Variants in ITIH2 observed in about 807,000 individuals in gnomAD.
ITIH2 encodes the protein inter-alpha-trypsin inhibitor heavy chain 2, also known as inter-alpha-trypsin inhibitor heavy chain H2.
In ITIH2, 103 loss-of-function variants were observed where a neutral mutation model predicts 104.4. The ratio of observed to expected loss-of-function variants is 0.99; its 90% confidence interval spans 0.84 to 1.16. ITIH2 has a LOEUF of 1.16. Among genes scored for constraint, ITIH2 ranks in the 50% most tolerant of loss-of-function variants. The pLI is 0.00. For missense variants in ITIH2, 1,108 were observed against 1,162.4 expected (o/e 0.95, Z 0.68); for synonymous variants, 436 against 435.4 (o/e 1.00, Z -0.02).
chr10:7,723,678 G>A (rs1834927864), intron 9 of ITIH2, 111 bp downstream of exon 9: 1 of 758,414 alleles, frequency 1.3e-6, no homozygotes. Context: ...GAAGCTCAGG[G>A]ACTGTGGTTA....
At chr10:7,736,591 G>T (rs1281190945) in intron 15 of ITIH2, among the ~76,000 whole-genome samples, 2 of 152,106 alleles carry the variant, frequency 1.3e-5, no homozygotes, top group African/African-American at 4.8e-5. Flanking sequence ...ATTCCCTTCT[G>T]AACCTGGTCT....
At chr10:7,724,092 T>TCTGATTGCG (rs1834930781) in intron 9 of ITIH2, among the ~76,000 whole-genome samples, 2 of 152,196 alleles carry the variant, frequency 1.3e-5, no homozygotes, top group African/African-American at 4.8e-5. Context: ...CAATATAGGC[T>TCTGATTGCG]TACTTAGTGA....
chr10:7,707,897 T>C (rs1834761985), intron 3 of ITIH2, among the ~76,000 whole-genome samples: 1 of 152,200 alleles, frequency 6.6e-6, no homozygotes, highest in African/African-American at 2.4e-5. Flanking sequence ...ACCTGACAGC[T>C]TTGGAAAATA....
At position 7,744,176 on chromosome 10, in the gene ITIH2, T is replaced by C. The variant is rs375010170; in HGVS notation, c.2304T>C (p.Ser768=). 8 of 1,613,940 alleles carry C rather than the reference T, an allele frequency of 5.0e-6. No homozygotes were observed. In the African/African-American group the frequency reaches 9.3e-5, roughly 19 times the overall value. The change falls in exon 18 of 21, where the codon AGT becomes AGC. Residue 768 remains serine (S), a synonymous_variant. Transcript: ENST00000358415. ...YFGKLGFYFQ[S]EDIKIEISTE... ...GAAAACTGGGATTTTATTTCCAAAG[T>C]GAAGACATAAAAATAGAAATCAGCA...
chr10:7,714,013 G>A (rs979722557), intron 5 of ITIH2, among the ~76,000 whole-genome samples: 4 of 151,954 alleles, frequency 2.6e-5, no homozygotes, highest in Non-Finnish European at 5.9e-5. Context: ...TTAAGCATCA[G>A]TTACTTCACT....
chr10:7,711,232 T>C (rs1288713970), intron 4 of ITIH2, among the ~76,000 whole-genome samples: 1 of 152,220 alleles, frequency 6.6e-6, no homozygotes, highest in Non-Finnish European at 1.5e-5. Context: ...GGAAGATGGC[T>C]TACAGCTTCA....
At chr10:7,737,028 C>T (rs1475726177) in intron 15 of ITIH2, among the ~76,000 whole-genome samples, 4 of 151,840 alleles carry the variant, frequency 2.6e-5, no homozygotes, top group African/African-American at 9.7e-5. Flanking sequence ...AATTGGAAGC[C>T]CTGTGGTTTG....
At chr10:7,708,058 T>C (rs1834763774) in intron 3 of ITIH2, among the ~76,000 whole-genome samples, 1 of 152,208 alleles carries the variant, frequency 6.6e-6, no homozygotes, top group Admixed American at 6.5e-5. Context: ...CTGCCAGAAG[T>C]GCACACTTCA....
rs915546490 is a variant in ITIH2 at position 7,749,300 on chromosome 10, T to C, written c.2807T>C (p.Val936Ala). 10 of 1,614,214 alleles carry C rather than the reference T, an allele frequency of 6.2e-6. No homozygotes were observed. The Admixed American group carries it at 8.3e-5, about 13-fold the overall frequency. The change falls in exon 21 of 21, where the codon GTG becomes GCG. Residue 936 changes from valine to alanine, a missense_variant. By Grantham distance (64) the Val-to-Ala change is moderately conservative. Transcript: ENST00000358415. ...GACGGGCATTACAAGGATTACTTCG[T>C]GCCTCAGCTCTACAGCTTTCTCAAA... ...FIDGHYKDYF[V>A]PQLYSFLKRP
At chr10:7,712,683 C>T (rs1179601865) in intron 4 of ITIH2, among the ~76,000 whole-genome samples, 1 of 152,192 alleles carries the variant, frequency 6.6e-6, no homozygotes, top group Non-Finnish European at 1.5e-5. Flanking sequence ...TCAAGCCACA[C>T]TATCCAATCA....
In ITIH2 at chr10:7,729,951, G is replaced by C. The variant is rs929028323; in HGVS notation, c.1280-1G>C. 1.0e-5 allele frequency: 16 copies of C among 1,585,820 alleles called. No homozygotes were observed. Among genetic ancestry groups the C allele is most frequent in the Middle Eastern group, 1.7e-4 (1 of 5,934 alleles). On this transcript the variant is annotated splice_acceptor_variant, in intron 11 of 20. Transcript: ENST00000358415. LOFTEE classifies it high-confidence loss of function. Reference sequence around the variant, plus strand: ...TTCCTTTCGGACATCACCAACTTTAGGCGAACTAAAACTGTCAAAAATTCA... The same window carrying C: ...TTCCTTTCGGACATCACCAACTTTACGCGAACTAAAACTGTCAAAAATTCA...
rs772773605 is a variant in ITIH2 at position 7,749,192 on chromosome 10, TACAG to T, written c.2701_2704del (p.Gln901LysfsTer7). The T allele has an allele frequency of 6.4e-5, 103 of 1,614,012 alleles. No individual in the cohort carries two copies. The highest frequency in any genetic ancestry group is 5.2e-4 in the South Asian group (47 of 91,074). On this transcript the variant is annotated frameshift_variant, in exon 21 of 21. Transcript: ENST00000358415. LOFTEE classifies it high-confidence loss of function. ...CATGCCTTGCTTCCTTGCAGGGGCTTACAGAAAGACTACAGAACGGATCTAGTGT... is the reference window on the plus strand; with the variant it reads ...CATGCCTTGCTTCCTTGCAGGGGCTTAAAGACTACAGAACGGATCTAGTGT...
At chr10:7,714,291 C>T (rs1164035097) in intron 5 of ITIH2, among the ~76,000 whole-genome samples, 1 of 151,646 alleles carries the variant, frequency 6.6e-6, no homozygotes, top group Non-Finnish European at 1.5e-5. Flanking sequence ...CCTGCCTCAG[C>T]CTCCAGAGTA....
At chr10:7,733,038 A>C (rs1835019021) in intron 14 of ITIH2, among the ~76,000 whole-genome samples, 1 of 150,650 alleles carries the variant, frequency 6.6e-6, no homozygotes, top group African/African-American at 2.4e-5. Context: ...AAATGCATTA[A>C]TTTTAAGTGC....
intron 15 of ITIH2, 21 bp from the exon 16 acceptor site, chr10:7,738,600 G>A (rs1310511003): frequency 2.5e-6 from 4 of 1,612,084 alleles, no homozygotes; most frequent in Non-Finnish European, 3.4e-6. Context: ...GAAACTAACA[G>A]ATGCAGGTTT....
chr10:7,737,150 G>A (rs1472745503), intron 15 of ITIH2, among the ~76,000 whole-genome samples: 1 of 151,202 alleles, frequency 6.6e-6, no homozygotes, highest in Non-Finnish European at 1.5e-5. Flanking sequence ...ACAAGAACTG[G>A]CCTTCTGCTT....
chr10:7,716,701 A>G (rs1305573213), intron 5 of ITIH2, among the ~76,000 whole-genome samples: 1 of 148,680 alleles, frequency 6.7e-6, no homozygotes, highest in Non-Finnish European at 1.5e-5. Flanking sequence ...ACACCACTGC[A>G]CTACAGCCTG....
chr10:7,708,454 C>A (rs1834766801), intron 3 of ITIH2, among the ~76,000 whole-genome samples: 1 of 152,178 alleles, frequency 6.6e-6, no homozygotes, highest in Non-Finnish European at 1.5e-5. Context: ...TTACACCCGT[C>A]ACTGTTCTCC....
intron 9 of ITIH2, among the ~76,000 whole-genome samples, chr10:7,725,610 A>T (rs1834944584): frequency 6.6e-6 from 1 of 152,222 alleles, no homozygotes. Context: ...AGTGACTAGA[A>T]GGATGAAGTG....
Sources: gnomAD v4.1 joint callset for allele counts (sites outside exome capture counted in the v4.1 genomes callset) on GRCh38, gnomAD v4.1.1 for gene constraint, MANE v1.5 for transcripts, NCBI Gene and HGNC (gene_info 2026-07-23, HGNC 2026-07-21) for gene names.